The following RNF6 variants were observed in gnomAD, a reference collection of about 807,000 sequenced individuals.
RNF6 encodes the protein E3 ubiquitin-protein ligase RNF6.
RNF6 carries 21 observed loss-of-function variants against 50.1 expected under a neutral mutation model. That is an observed-to-expected ratio of 0.42 (90% CI 0.30 to 0.60). RNF6 has a LOEUF of 0.60. Ranked by LOEUF, RNF6 falls within the 20% of genes least tolerant of loss-of-function variation. The probability of loss-of-function intolerance (pLI) is 0.20; values close to 1 mark genes in which losing one functional copy is unlikely to be tolerated. For synonymous variants in RNF6, 255 were observed against 291.8 expected, an observed-to-expected ratio of 0.87 and a Z score of 1.29; for missense variants, 698 against 838.2, an observed-to-expected ratio of 0.83 and a Z score of 2.07.
intron 5 of RNF6, among the ~76,000 whole-genome samples, chr13:26,181,178 C>A (rs1016521403): frequency 2.6e-5 from 4 of 152,158 alleles, no homozygotes; most frequent in African/African-American, 9.7e-5. Context: ...CCCCTGTGCA[C>A]CCAGGAAAAG....
rs549094409 is a variant in RNF6, at chr13:26,181,738, A to G, written n.768+33736T>C. On this transcript the variant is annotated intron_variant and non_coding_transcript_variant, in intron 5 of 5. Coordinates refer to the RNF6 transcript ENST00000468480. ...AGAGTGATGCAGATAAAATGCTCCA[A>G]TGCTTTTCTATGCAACCATCTTCAG... Among the ~76,000 whole-genome samples, 109 of 152,262 alleles carry G rather than the reference A, an allele frequency of 7.2e-4. 1 individual carries two copies. Among genetic ancestry groups the G allele is most frequent in the African/African-American group, 2.4e-3 (101 of 41,530 alleles).
chr13:26,184,633 G>A (rs1403769001), intron 5 of RNF6, among the ~76,000 whole-genome samples: 1 of 152,112 alleles, frequency 6.6e-6, no homozygotes, highest in African/African-American at 2.4e-5. Flanking sequence ...TTACAGAGAC[G>A]AACATTCAGT....
intron 5 of RNF6, among the ~76,000 whole-genome samples, chr13:26,153,114 C>T (rs1384285256): frequency 1.3e-5 from 2 of 150,590 alleles, no homozygotes; most frequent in African/African-American, 2.5e-5. Flanking sequence ...GCTCTTTCCA[C>T]TGCACTCCAG....
Position 26,187,602 on chromosome 13 carries a change from A to G in RNF6, n.768+27872T>C, listed in dbSNP as rs577647222. Among the ~76,000 whole-genome samples the G allele has an allele frequency of 3.3e-5, 5 of 152,330 alleles. 1 individual carries two copies. The highest frequency in any genetic ancestry group is 6.5e-5 in the Admixed American group (1 of 15,304). ...AAGCTTATTGGGTGACTTAGTGGGT[A>G]TGTTAATGGTTAAGTAACGTACCCA... On this transcript the variant is annotated intron_variant and non_coding_transcript_variant, in intron 5 of 5. Transcript: ENST00000468480.
chr13:26,153,191 A>ATATTTTATTTTATTT (rs71080234), intron 5 of RNF6, among the ~76,000 whole-genome samples: 41 of 149,812 alleles, frequency 2.7e-4, no homozygotes, highest in African/African-American at 1.0e-3. Context: ...AAGATGTAAG[A>ATATTTTATTTTATTT]TATTTTATTT....
chr13:26,182,807 G>A (rs1566424321), intron 5 of RNF6, among the ~76,000 whole-genome samples: 1 of 151,488 alleles, frequency 6.6e-6, no homozygotes, highest in Non-Finnish European at 1.5e-5. Flanking sequence ...CCTGTCTCAA[G>A]AAAAAAAAGA....
intron 5 of RNF6, among the ~76,000 whole-genome samples, chr13:26,134,374 T>C (rs1870542063): frequency 1.3e-5 from 2 of 152,252 alleles, no homozygotes; most frequent in South Asian, 4.1e-4. Flanking sequence ...TGGGTGAGCG[T>C]GAGGCCACAT....
intron 5 of RNF6, among the ~76,000 whole-genome samples, chr13:26,191,463 T>A (rs1313644014): frequency 6.6e-6 from 1 of 152,134 alleles, no homozygotes; most frequent in Admixed American, 6.5e-5. Context: ...TGTCCCCAAA[T>A]CTCATCTCAA....
intron 5 of RNF6, among the ~76,000 whole-genome samples, chr13:26,161,410 G>A (rs117926831): frequency 6.6e-6 from 1 of 152,080 alleles, no homozygotes; most frequent in African/African-American, 2.4e-5. Flanking sequence ...GAATGGTTTG[G>A]GTAAAGTTGA....
chr13:26,151,647 A>G (rs2137585463), intron 5 of RNF6, among the ~76,000 whole-genome samples: 1 of 131,352 alleles, frequency 7.6e-6, no homozygotes, highest in East Asian at 2.2e-4. Flanking sequence ...CAGAGGAGAC[A>G]TTTTTTGGAG....
At chr13:26,178,030 AC>A (rs1474266441) in intron 5 of RNF6, among the ~76,000 whole-genome samples, 1 of 152,100 alleles carries the variant, frequency 6.6e-6, no homozygotes, top group East Asian at 1.9e-4. Flanking sequence ...TACTAAAAAT[AC>A]AAAAAAATTT....
intron 5 of RNF6, among the ~76,000 whole-genome samples, chr13:26,190,943 G>A (rs1407839253): frequency 6.6e-6 from 1 of 152,156 alleles, no homozygotes; most frequent in Non-Finnish European, 1.5e-5. Context: ...CAAAGGTGCT[G>A]AGTCATATGA....
chr13:26,171,829 T>C (rs1872708512), intron 5 of RNF6, among the ~76,000 whole-genome samples: 1 of 152,170 alleles, frequency 6.6e-6, no homozygotes, highest in Non-Finnish European at 1.5e-5. Flanking sequence ...TGATTCTACT[T>C]ATATGGAGTA....
chr13:26,180,424 T>A (rs982316308), intron 5 of RNF6, among the ~76,000 whole-genome samples: 1 of 152,122 alleles, frequency 6.6e-6, no homozygotes, highest in Non-Finnish European at 1.5e-5. Context: ...GCAGGCCCCA[T>A]TTGAGGGTGA....
chr13:26,157,999 A>ATAGATAGAT (rs150049232), intron 5 of RNF6, among the ~76,000 whole-genome samples: 1 of 149,916 alleles, frequency 6.7e-6, no homozygotes, highest in Non-Finnish European at 1.5e-5. Flanking sequence ...AGATAGATAG[A>ATAGATAGAT]AGAAGTCATT....
intron 5 of RNF6, among the ~76,000 whole-genome samples, chr13:26,199,472 CAAA>C (rs1367848632): frequency 1.3e-4 from 19 of 151,826 alleles, no homozygotes; most frequent in African/African-American, 4.4e-4. Flanking sequence ...TTGGGATAGC[CAAA>C]GATTCTTAGG....
chr13:26,219,747 T>C (rs1870284070), intron 2 of RNF6, 80 bp from the exon 3 acceptor site: 1 of 1,299,590 alleles, frequency 7.7e-7, no homozygotes, highest in African/African-American at 1.5e-5. Context: ...TTGCAGTTTT[T>C]CTTAATTTTT....
chr13:26,134,790 G>A (rs561391456), intron 5 of RNF6, among the ~76,000 whole-genome samples: 87 of 152,150 alleles, frequency 5.7e-4, no homozygotes, highest in Non-Finnish European at 1.1e-3. Flanking sequence ...TAAAAAATCC[G>A]GAAGTTACCA....
At chr13:26,152,312 T>G (rs1354776284) in intron 5 of RNF6, among the ~76,000 whole-genome samples, 1 of 152,234 alleles carries the variant, frequency 6.6e-6, no homozygotes, top group African/African-American at 2.4e-5. Flanking sequence ...GCCCAATGTT[T>G]CCAGTTTCCA....
Sources: allele counts gnomAD v4.1 joint callset (sites outside exome capture counted in the v4.1 genomes callset), GRCh38; gene constraint gnomAD v4.1.1; transcripts MANE v1.5; gene names NCBI Gene and HGNC (gene_info 2026-07-23, HGNC 2026-07-21).